The following KCNN3 variants were observed in gnomAD, a reference collection of about 807,000 sequenced individuals.
KCNN3 encodes the protein potassium calcium-activated channel subfamily N member 3.
In KCNN3, 16 loss-of-function variants were observed where a neutral mutation model predicts 62.9. The observed-to-expected ratio is 0.25, with a 90% CI of 0.17 to 0.39. The LOEUF (loss-of-function observed/expected upper bound fraction) is 0.39, where lower values mean the gene tolerates loss of function less well. Ranked by LOEUF, KCNN3 falls within the 10% of genes least tolerant of loss-of-function variation. The pLI, the probability that KCNN3 is intolerant of heterozygous loss-of-function variation, is 1.00. For synonymous variants in KCNN3, 370 were observed against 389.2 expected, an observed-to-expected ratio of 0.95 and a Z score of 0.58; for missense variants, 599 against 949.4, an observed-to-expected ratio of 0.63 and a Z score of 4.85.
intron 1 of KCNN3, chr1:154,868,044 A>G: frequency 2.0e-6 from 2 of 985,558 alleles, no homozygotes; most frequent in Non-Finnish European, 2.4e-6. Context: ...TCCCCGCTAA[A>G]GCCAGTGCCT....
chr1:154,714,175 G>T (rs560922492), intron 6 of KCNN3, among the ~76,000 whole-genome samples: 1 of 53,828 alleles, frequency 1.9e-5, no homozygotes, highest in Admixed American at 2.0e-4. Flanking sequence ...TGTGATGTGT[G>T]GTGTGTGGTG....
chr1:154,726,660 C>T (rs867629720), intron 4 of KCNN3, among the ~76,000 whole-genome samples: 1 of 152,228 alleles, frequency 6.6e-6, no homozygotes, highest in South Asian at 2.1e-4. Flanking sequence ...AAGGTTTACG[C>T]TATGACTCAG....
At chr1:154,827,654 C>G (rs1419342953) in intron 1 of KCNN3, among the ~76,000 whole-genome samples, 2 of 152,012 alleles carry the variant, frequency 1.3e-5, no homozygotes, top group African/African-American at 2.4e-5. Flanking sequence ...CAAAAATTAG[C>G]TGGGCATGGT....
In KCNN3 at chr1:154,760,678, T is replaced by A. The variant is rs186658647; in HGVS notation, c.1448+11297A>T. 2.7e-3 allele frequency among the ~76,000 whole-genome samples: 406 copies of A among 152,288 alleles called. 4 individuals carry two copies. The highest frequency in any genetic ancestry group is 2.1e-3 in the Non-Finnish European group (140 of 68,006). On this transcript the variant is annotated intron_variant, in intron 3 of 7. Transcript: ENST00000271915. Reference sequence around the variant, plus strand: ...GGCCGCGCGGGAACCACCCGCGGACTCGCGGCCTCTCCCCACCGGACCCCG... The same window carrying A: ...GGCCGCGCGGGAACCACCCGCGGACACGCGGCCTCTCCCCACCGGACCCCG...
intron 3 of KCNN3, among the ~76,000 whole-genome samples, chr1:154,740,907 C>T (rs1700810888): frequency 6.6e-6 from 1 of 152,012 alleles, no homozygotes; most frequent in African/African-American, 2.4e-5. Flanking sequence ...TTGTGTGTTG[C>T]AAATATCTTC....
Position 154,735,529 on chromosome 1 carries a change from T to C in KCNN3, c.1449-2385A>G, listed in dbSNP as rs573122391. Among the ~76,000 whole-genome samples, 6 of 152,274 alleles carry C rather than the reference T, an allele frequency of 3.9e-5. No homozygotes were observed. In the South Asian group the frequency reaches 1.0e-3, roughly 26 times the overall value. ...GCTCTGTTACCACCCTAGGGGCCCCTGGCTGGCTGCGTGGGCCTCATTTCC... is the reference window on the plus strand; with the variant it reads ...GCTCTGTTACCACCCTAGGGGCCCCCGGCTGGCTGCGTGGGCCTCATTTCC... On this transcript the variant is annotated intron_variant, in intron 3 of 7. Transcript: ENST00000271915.
intron 2 of KCNN3, among the ~76,000 whole-genome samples, chr1:154,793,661 T>G (rs994102596): frequency 1.2e-4 from 18 of 152,196 alleles, no homozygotes; most frequent in Non-Finnish European, 2.4e-4. Flanking sequence ...GTTACCCAAC[T>G]GTTGTGGGGG....
chr1:154,739,752 CT>C (rs1198846689), intron 3 of KCNN3, among the ~76,000 whole-genome samples: 1 of 152,234 alleles, frequency 6.6e-6, no homozygotes, highest in Non-Finnish European at 1.5e-5. Context: ...CACTAGTTAT[CT>C]TTTGGATCAC....
chr1:154,804,515 C>T (rs1006339235), intron 2 of KCNN3, among the ~76,000 whole-genome samples: 3 of 152,190 alleles, frequency 2.0e-5, no homozygotes, highest in Non-Finnish European at 2.9e-5. Context: ...CTATTTGACT[C>T]CTTCCCTTCT....
At chr1:154,779,562 T>C (rs188070746) in intron 2 of KCNN3, among the ~76,000 whole-genome samples, 1 of 152,306 alleles carries the variant, frequency 6.6e-6, no homozygotes, top group Non-Finnish European at 1.5e-5. Context: ...AAAAAGTTAT[T>C]TTGCAAGCAG....
chr1:154,804,874 G>A (rs1284704045), intron 2 of KCNN3, among the ~76,000 whole-genome samples: 1 of 152,054 alleles, frequency 6.6e-6, no homozygotes, highest in Non-Finnish European at 1.5e-5. Flanking sequence ...AGGCAGTCTG[G>A]CTCCAGAGTC....
intron 1 of KCNN3, among the ~76,000 whole-genome samples, chr1:154,839,663 C>T (rs1353861279): frequency 6.6e-6 from 1 of 152,328 alleles, no homozygotes; most frequent in Admixed American, 6.5e-5. Context: ...AGCTCTCACT[C>T]GACAAGGCTG....
At chr1:154,747,378 C>G (rs927579200) in intron 3 of KCNN3, among the ~76,000 whole-genome samples, 1 of 152,200 alleles carries the variant, frequency 6.6e-6, no homozygotes, top group Non-Finnish European at 1.5e-5. Flanking sequence ...GTGGCTCCCC[C>G]TCTCCTAGGT....
rs569096713 is a variant in KCNN3 at position 154,714,645 on chromosome 1, G to A, written c.1829+231C>T. Reference sequence around the variant, plus strand: ...TGTGTGTGTGTGTGTGTGTGTGTGTGTGTAGAATGTGAAAGCTCTTAGAGG... The same window carrying A: ...TGTGTGTGTGTGTGTGTGTGTGTGTATGTAGAATGTGAAAGCTCTTAGAGG... On this transcript the variant is annotated intron_variant, in intron 6 of 7. Coordinates refer to ENST00000271915, the MANE Select transcript of KCNN3 (RefSeq NM_002249.6). 3.7e-4 allele frequency among the ~76,000 whole-genome samples: 51 copies of A among 139,040 alleles called. 2 individuals are homozygous for A. The highest frequency in any genetic ancestry group is 1.5e-3 in the Admixed American group (21 of 13,734). The allele number at this position is 139,040 out of a possible 152,430, so 91.2% of individuals were successfully genotyped here.
intron 2 of KCNN3, among the ~76,000 whole-genome samples, chr1:154,776,630 C>G (rs755465966): frequency 6.6e-6 from 1 of 152,170 alleles, no homozygotes; most frequent in South Asian, 2.1e-4. Flanking sequence ...CGCTCCCTCC[C>G]GATTCAGAGC....
chr1:154,835,444 A>G (rs1190182733), intron 1 of KCNN3, among the ~76,000 whole-genome samples: 1 of 152,128 alleles, frequency 6.6e-6, no homozygotes, highest in Non-Finnish European at 1.5e-5. Flanking sequence ...CACACCCACT[A>G]TGTGCACTCC....
chr1:154,834,464 T>C (rs1571321905), intron 1 of KCNN3, among the ~76,000 whole-genome samples: 1 of 152,210 alleles, frequency 6.6e-6, no homozygotes, highest in East Asian at 1.9e-4. Context: ...TTCCTCCATG[T>C]GGTTATTTCC....
intron 2 of KCNN3, among the ~76,000 whole-genome samples, chr1:154,800,499 C>A (rs978426086): frequency 2.0e-5 from 3 of 152,066 alleles, no homozygotes; most frequent in African/African-American, 7.2e-5. Context: ...TGCTCAGGGC[C>A]GGTGATTGTT....
intron 3 of KCNN3, among the ~76,000 whole-genome samples, chr1:154,769,360 G>C (rs948837679): frequency 6.6e-6 from 1 of 152,282 alleles, no homozygotes; most frequent in East Asian, 1.9e-4. Context: ...GGAACTTTCA[G>C]AGAATTTCCG....
Sources: allele counts gnomAD v4.1 joint callset (sites outside exome capture counted in the v4.1 genomes callset), GRCh38; gene constraint gnomAD v4.1.1; transcripts MANE v1.5; gene names NCBI Gene and HGNC (gene_info 2026-07-23, HGNC 2026-07-21).